Variants in TENM2 observed in about 807,000 individuals in gnomAD.
TENM2 encodes the protein teneurin transmembrane protein 2, also known as teneurin-2.
A neutral mutation model predicts 245.2 loss-of-function variants in TENM2; 52 were observed. That is an observed-to-expected ratio of 0.21 (90% CI 0.17 to 0.27). The LOEUF (loss-of-function observed/expected upper bound fraction) is 0.27. TENM2 is among the 10% of genes least tolerant of loss of function. The pLI, the probability that TENM2 is intolerant of heterozygous loss-of-function variation, is 1.00. For missense variants in TENM2, 3,046 were observed against 3,666.8 expected (o/e 0.83, Z 4.37); for synonymous variants, 1,363 against 1,438.9 (o/e 0.95, Z 1.19).
At chr5:167,171,619 G>GT in the TENM2 span, among the ~76,000 whole-genome samples, 1 of 152,140 alleles carries the variant, frequency 6.6e-6, no homozygotes, top group South Asian at 2.1e-4. Flanking sequence ...ACCCAAGACT[G>GT]TTTGCAACCT....
chr5:168,006,892 A>G lies in TENM2; in HGVS notation c.1186+13710A>G, dbSNP rs78684738. On this transcript the variant is annotated intron_variant, in intron 5 of 28. Transcript: ENST00000518659. ...TATCTGTCCGTGCTAATGAGCTGCA[A>G]TTTCAGCTGGGTTCCACCTGGGTGC... Among the ~76,000 whole-genome samples, 421 of 152,324 alleles carry G rather than the reference A, an allele frequency of 2.8e-3. 2 individuals carry two copies. The highest frequency in any genetic ancestry group is 8.9e-3 in the African/African-American group (369 of 41,576).
At chr5:168,148,862 A>G (rs1756353838) in intron 12 of TENM2, among the ~76,000 whole-genome samples, 1 of 148,782 alleles carries the variant, frequency 6.7e-6, no homozygotes, top group South Asian at 2.2e-4. Flanking sequence ...ATAAATAAAT[A>G]TAAATATATA....
chr5:168,029,531 C>T (rs757169584), intron 5 of TENM2, among the ~76,000 whole-genome samples: 5 of 152,148 alleles, frequency 3.3e-5, no homozygotes, highest in Non-Finnish European at 7.3e-5. Flanking sequence ...CACAATATAT[C>T]CTTGGTGGAT....
chr5:167,411,573 A>AGAGTGTGTGTGTGTGTGT (rs752919344), intron 2 of TENM2, among the ~76,000 whole-genome samples: 29 of 145,046 alleles, frequency 2.0e-4, no homozygotes, highest in African/African-American at 7.2e-4. Context: ...TGTAGGTGAG[A>AGAGTGTGTGTGTGTGTGT]GTGTGTGTGT....
chr5:167,595,560 A>G (rs1477430894), intron 2 of TENM2, among the ~76,000 whole-genome samples: 5 of 152,250 alleles, frequency 3.3e-5, no homozygotes, highest in African/African-American at 9.6e-5. Context: ...CTAGCCCTCA[A>G]GTATTCATGA....
the TENM2 span, among the ~76,000 whole-genome samples, chr5:167,054,517 A>G: frequency 1.3e-5 from 2 of 152,164 alleles, no homozygotes; most frequent in Non-Finnish European, 2.9e-5. Flanking sequence ...TTGTGTAGAC[A>G]TAAGTTTTTA....
intron 4 of TENM2, among the ~76,000 whole-genome samples, chr5:167,968,434 T>C (rs949608579): frequency 2.0e-5 from 3 of 152,200 alleles, no homozygotes; most frequent in Non-Finnish European, 4.4e-5. Context: ...AGAGACTGAA[T>C]ACCAATTCTT....
intron 23 of TENM2, 125 bp from the exon 26 acceptor site, chr5:168,225,963 T>G: frequency 1.2e-5 from 9 of 761,876 alleles, no homozygotes; most frequent in Non-Finnish European, 1.9e-5. Flanking sequence ...GGGGCCTCAG[T>G]GAGATGCGCC....
At chr5:167,467,774 T>G (rs1211442194) in intron 2 of TENM2, among the ~76,000 whole-genome samples, 1 of 152,218 alleles carries the variant, frequency 6.6e-6, no homozygotes, top group Non-Finnish European at 1.5e-5. Context: ...GCTTGATTTA[T>G]GTATATGGTA....
At chr5:168,076,384 C>A (rs138491597) in intron 7 of TENM2, among the ~76,000 whole-genome samples, 2,028 of 152,022 alleles carry the variant, frequency 0.013, 31 homozygotes, top group Non-Finnish European at 0.017. Context: ...CCCCACCACA[C>A]CCGACTAATT....
At chr5:168,262,093 C>T in exon 29 of TENM2, 1 of 1,614,044 alleles carries the variant, frequency 6.2e-7, no homozygotes, top group Non-Finnish European at 8.5e-7. Flanking sequence ...ATAACCAGGC[C>T]TTCATGGCTC....
At chr5:168,059,860 T>C (rs1789880649) in intron 6 of TENM2, among the ~76,000 whole-genome samples, 1 of 152,222 alleles carries the variant, frequency 6.6e-6, no homozygotes, top group Non-Finnish European at 1.5e-5. Flanking sequence ...GAAATTATTC[T>C]AAGAGCTTTA....
the TENM2 span, among the ~76,000 whole-genome samples, chr5:167,072,229 G>T: frequency 8.5e-5 from 13 of 152,152 alleles, no homozygotes; most frequent in Non-Finnish European, 1.6e-4. Context: ...AATGACTTGA[G>T]CAAAACAGAG....
At position 167,644,078 on chromosome 5, in the gene TENM2, T is replaced by C. The variant is rs368714334; in HGVS notation, c.503-231908T>C. Among the ~76,000 whole-genome samples, 10 of 152,334 alleles carry C rather than the reference T, an allele frequency of 6.6e-5. No homozygotes were observed. The East Asian group carries it at 1.9e-3, about 29-fold the overall frequency. ...TAGTTACCCTCTCAAATTATCCACC[T>C]GGATCCATTTATTTTCATAATGGGC... On this transcript the variant is annotated intron_variant, in intron 2 of 28. Transcript: ENST00000518659.
At chr5:168,210,750 T>C (rs17731147) in intron 19 of TENM2, among the ~76,000 whole-genome samples, 9,806 of 152,102 alleles carry the variant, frequency 0.064, 570 homozygotes, top group East Asian at 0.25. Context: ...TTAAACTCTC[T>C]TTGTCCCTTC....
intron 3 of TENM2, among the ~76,000 whole-genome samples, chr5:167,884,024 G>A (rs1468415911): frequency 6.6e-6 from 1 of 152,134 alleles, no homozygotes; most frequent in Admixed American, 6.5e-5. Context: ...TGATAGCTCA[G>A]CCACTTTCTA....
chr5:167,663,935 A>T (rs2150331756), intron 2 of TENM2, among the ~76,000 whole-genome samples: 1 of 152,344 alleles, frequency 6.6e-6, no homozygotes, highest in Non-Finnish European at 1.5e-5. Context: ...TTCTTTAAAA[A>T]ATATTCAAAT....
At chr5:167,389,140 G>C (rs1761611087) in intron 2 of TENM2, among the ~76,000 whole-genome samples, 1 of 151,542 alleles carries the variant, frequency 6.6e-6, no homozygotes, top group Admixed American at 6.6e-5. Context: ...GCTGCCCAAA[G>C]TAAGATATCT....
intron 2 of TENM2, among the ~76,000 whole-genome samples, chr5:167,739,075 A>G (rs1287293912): frequency 6.6e-6 from 1 of 152,210 alleles, no homozygotes; most frequent in Non-Finnish European, 1.5e-5. Flanking sequence ...TAAATACTAC[A>G]TTAAAACGAG....
Sources: gnomAD v4.1 joint callset for allele counts (sites outside exome capture counted in the v4.1 genomes callset) on GRCh38, gnomAD v4.1.1 for gene constraint, MANE v1.5 for transcripts, NCBI Gene and HGNC (gene_info 2026-07-23, HGNC 2026-07-21) for gene names.